Variants in MAP3K5 observed in about 807,000 individuals in gnomAD.
MAP3K5 encodes the protein ASK-1.
MAP3K5 carries 56 observed loss-of-function variants against 158.7 expected under a neutral mutation model. That is an observed-to-expected ratio of 0.35 (90% CI 0.28 to 0.44). The LOEUF (loss-of-function observed/expected upper bound fraction) is 0.44, where lower values mean the gene tolerates loss of function less well. MAP3K5 is among the 20% of genes least tolerant of loss of function. The pLI, the probability that MAP3K5 is intolerant of heterozygous loss-of-function variation, is 1.00. For synonymous variants in MAP3K5, 579 were observed against 601.7 expected, an observed-to-expected ratio of 0.96 and a Z score of 0.55; for missense variants, 1,294 against 1,674.8, an observed-to-expected ratio of 0.77 and a Z score of 3.97.
chr6:136,733,085 G>A lies in MAP3K5; in HGVS notation c.449-12496C>T, dbSNP rs112220407. On this transcript the variant is annotated intron_variant, in intron 1 of 29. Transcript: ENST00000359015. ...CATAATCACGGCTCACTGCATCCTC[G>A]ACCTCCTGGGCTCAAGCGATCCTCC... is the stretch of plus-strand genomic sequence containing the variant. 2.2e-3 allele frequency among the ~76,000 whole-genome samples: 342 copies of A among 152,102 alleles called. 3 individuals are homozygous for A. Among genetic ancestry groups the A allele is most frequent in the African/African-American group, 7.0e-3 (291 of 41,478 alleles).
intron 7 of MAP3K5, among the ~76,000 whole-genome samples, chr6:136,693,401 T>A (rs906398316): frequency 6.6e-6 from 1 of 152,218 alleles, no homozygotes; most frequent in Non-Finnish European, 1.5e-5. Flanking sequence ...AGTCCTTTAT[T>A]CTTTCAAATA....
intron 15 of MAP3K5, among the ~76,000 whole-genome samples, chr6:136,621,487 A>T (rs1300632546): frequency 6.6e-6 from 1 of 152,188 alleles, no homozygotes; most frequent in East Asian, 1.9e-4. Flanking sequence ...TTTCTATAGA[A>T]AGGTGGACAT....
chr6:136,696,675 C>T (rs1240275382), intron 5 of MAP3K5, among the ~76,000 whole-genome samples: 1 of 152,090 alleles, frequency 6.6e-6, no homozygotes, highest in African/African-American at 2.4e-5. Context: ...ATTCCACTTA[C>T]CCTATTTTTA....
At chr6:136,659,531 G>A (rs1778913108) in intron 8 of MAP3K5, among the ~76,000 whole-genome samples, 153 bp from the exon 9 acceptor site, 1 of 152,186 alleles carries the variant, frequency 6.6e-6, no homozygotes, top group Non-Finnish European at 1.5e-5. Context: ...TCAGTTCACT[G>A]TAAAAATAAG....
At chr6:136,698,406 G>A in intron 4 of MAP3K5, 83 bp downstream of exon 4, 1 of 1,174,968 alleles carries the variant, frequency 8.5e-7, no homozygotes, top group Non-Finnish European at 1.2e-6. Flanking sequence ...GATATCTCAG[G>A]AGCACCTGAT....
At chr6:136,579,246 A>G (rs1285720296) in intron 25 of MAP3K5, among the ~76,000 whole-genome samples, 2 of 152,056 alleles carry the variant, frequency 1.3e-5, no homozygotes, top group African/African-American at 4.8e-5. Context: ...CACCACCCCA[A>G]CACACACACA....
chr6:136,633,881 C>T (rs1244755317), intron 14 of MAP3K5, among the ~76,000 whole-genome samples: 2 of 152,168 alleles, frequency 1.3e-5, no homozygotes, highest in Non-Finnish European at 2.9e-5. Context: ...GCCAAGGTAG[C>T]CAAAGGCTTC....
intron 23 of MAP3K5, among the ~76,000 whole-genome samples, chr6:136,591,417 C>G (rs748345197): frequency 2.0e-5 from 3 of 152,226 alleles, no homozygotes; most frequent in Non-Finnish European, 2.9e-5. Flanking sequence ...TCTGGCCACC[C>G]ATGGCCTTGA....
At chr6:136,687,021 C>T (rs1311364623) in intron 7 of MAP3K5, among the ~76,000 whole-genome samples, 3 of 152,156 alleles carry the variant, frequency 2.0e-5, no homozygotes, top group African/African-American at 7.2e-5. Context: ...TGACTTCAAA[C>T]TATACTACAA....
chr6:136,615,514 G>A (rs917119808), intron 15 of MAP3K5, among the ~76,000 whole-genome samples: 37 of 152,126 alleles, frequency 2.4e-4, no homozygotes, highest in African/African-American at 8.7e-4. Flanking sequence ...TTTTTCAGAA[G>A]GTCAGATCTT....
chr6:136,705,170 A>C lies in MAP3K5; in HGVS notation c.589-37T>G, dbSNP rs185228513. The C allele has an allele frequency of 2.1e-4, 203 of 960,814 alleles. 1 individual carries two copies. The East Asian group carries it at 4.4e-3, about 21-fold the overall frequency. 59.5% of individuals were successfully genotyped at this position (960,814 alleles called of 1,614,324 possible). ...GAAAAAAAATATACCACAAGTTAATACAAAACTGAATAATTCAACAACATT... is the reference window on the plus strand; with the variant it reads ...GAAAAAAAATATACCACAAGTTAATCCAAAACTGAATAATTCAACAACATT... On this transcript the variant is annotated intron_variant, in intron 2 of 29. Coordinates refer to ENST00000359015, the MANE Select transcript of MAP3K5 (RefSeq NM_005923.4).
chr6:136,588,076 T>C (rs1042889663), intron 23 of MAP3K5, among the ~76,000 whole-genome samples: 2 of 152,216 alleles, frequency 1.3e-5, no homozygotes, highest in Admixed American at 1.3e-4. Context: ...TCCTGGGTTT[T>C]ATGTGTTTTT....
intron 1 of MAP3K5, among the ~76,000 whole-genome samples, chr6:136,789,782 A>G (rs781122572): frequency 7.1e-5 from 10 of 141,330 alleles, no homozygotes; most frequent in Non-Finnish European, 1.2e-4. Context: ...TCTGCCTCCC[A>G]GGTTCAAGTG....
chr6:136,656,828 G>A (rs994960072), intron 9 of MAP3K5, among the ~76,000 whole-genome samples: 1 of 152,026 alleles, frequency 6.6e-6, no homozygotes, highest in Non-Finnish European at 1.5e-5. Context: ...CACCATGTTG[G>A]CCAGGCTGGT....
intron 10 of MAP3K5, among the ~76,000 whole-genome samples, chr6:136,652,676 G>GAAGAA (rs1186553406): frequency 6.6e-6 from 1 of 152,156 alleles, no homozygotes; most frequent in Non-Finnish European, 1.5e-5. Context: ...ATACTCAACA[G>GAAGAA]AAGAAAAGAA....
At position 136,570,615 on chromosome 6, in the gene MAP3K5, T is replaced by C. The variant is rs78878089; in HGVS notation, c.3518-2741A>G. Among the ~76,000 whole-genome samples the C allele has an allele frequency of 2.5e-4, 38 of 152,320 alleles. No homozygotes were observed. The East Asian group carries it at 6.0e-3, about 24-fold the overall frequency. ...AAGGCCCAGTTTACATAGACCTGGC[T>C]TTCTTTATCCCTCTTTTAAAATTCT... On this transcript the variant is annotated intron_variant, in intron 25 of 29. Coordinates refer to ENST00000359015, the MANE Select transcript of MAP3K5 (RefSeq NM_005923.4).
chr6:136,687,493 C>G (rs763201407), intron 7 of MAP3K5, among the ~76,000 whole-genome samples: 10 of 152,126 alleles, frequency 6.6e-5, no homozygotes, highest in Admixed American at 5.2e-4. Flanking sequence ...AGGAAACCTA[C>G]AGAATGGGAG....
intron 3 of MAP3K5, among the ~76,000 whole-genome samples, chr6:136,700,954 C>T (rs1583442757): frequency 6.6e-6 from 1 of 152,188 alleles, no homozygotes; most frequent in African/African-American, 2.4e-5. Flanking sequence ...TTCTCTTACC[C>T]TTAGCACTTA....
At chr6:136,615,594 G>A (rs1389007525) in intron 15 of MAP3K5, among the ~76,000 whole-genome samples, 2 of 152,154 alleles carry the variant, frequency 1.3e-5, no homozygotes, top group Admixed American at 6.5e-5. Flanking sequence ...TGGTCTGTTG[G>A]AGCCTAGTGC....
Sources: allele counts gnomAD v4.1 joint callset (sites outside exome capture counted in the v4.1 genomes callset), GRCh38; gene constraint gnomAD v4.1.1; transcripts MANE v1.5; gene names NCBI Gene and HGNC (gene_info 2026-07-23, HGNC 2026-07-21).